Variants in GGNBP2 observed in about 807,000 individuals in gnomAD.
GGNBP2 encodes gametogenetin binding protein 2.
GGNBP2 carries 10 observed loss-of-function variants against 85.9 expected under a neutral mutation model. The observed-to-expected ratio is 0.12, with a 90% CI of 0.07 to 0.20. The LOEUF is 0.20. Among genes scored for constraint, GGNBP2 ranks in the 10% least tolerant of loss-of-function variants. GGNBP2 has a pLI of 1.00. For missense variants in GGNBP2, 595 were observed against 857.8 expected, an observed-to-expected ratio of 0.69 and a Z score of 3.83; for synonymous variants, 287 against 285.7, an observed-to-expected ratio of 1.00 and a Z score of -0.05.
intron 6 of GGNBP2, among the ~76,000 whole-genome samples, chr17:36,571,157 G>T (rs1455477605): frequency 6.6e-6 from 1 of 152,214 alleles, no homozygotes; most frequent in Admixed American, 6.5e-5. Flanking sequence ...TTAAGGCTGG[G>T]CATTGTGGCT....
At chr17:36,563,551 C>T (rs1329444017) in intron 5 of GGNBP2, among the ~76,000 whole-genome samples, 1 of 150,218 alleles carries the variant, frequency 6.7e-6, no homozygotes. Flanking sequence ...GTGTAACAAT[C>T]GAATACCCAG....
At chr17:36,575,072 T>G in intron 6 of GGNBP2, 1 of 993,414 alleles carries the variant, frequency 1.0e-6, no homozygotes, top group Non-Finnish European at 1.5e-6. Flanking sequence ...GATCTCAGAT[T>G]CCTTCATGGG....
intron 5 of GGNBP2, among the ~76,000 whole-genome samples, chr17:36,562,475 A>G (rs1405405737): frequency 6.6e-6 from 1 of 151,540 alleles, no homozygotes; most frequent in Non-Finnish European, 1.5e-5. Flanking sequence ...GGCCTCTGAA[A>G]AGTTAATTTT....
chr17:36,573,499 A>G (rs1235667427), intron 6 of GGNBP2, among the ~76,000 whole-genome samples: 2 of 152,208 alleles, frequency 1.3e-5, no homozygotes, highest in Non-Finnish European at 2.9e-5. Flanking sequence ...TGAGTGTGCA[A>G]ATATCTCTTC....
intron 4 of GGNBP2, among the ~76,000 whole-genome samples, chr17:36,557,685 G>A (rs139601658): frequency 3.7e-4 from 56 of 152,264 alleles, no homozygotes; most frequent in African/African-American, 1.1e-3. Flanking sequence ...AGAAAACTGG[G>A]GGGAAGGCAG....
In GGNBP2 at chr17:36,545,472, G is replaced by A. The variant is rs192015523; in HGVS notation, c.-106-147G>A. Reference sequence around the variant, plus strand: ...AGGGGGGCGGGTCCCGGCGGCGCTGGGCGCTGATTGGCTGAGCGTGTGTGG... The same window carrying A: ...AGGGGGGCGGGTCCCGGCGGCGCTGAGCGCTGATTGGCTGAGCGTGTGTGG... On this transcript the variant is annotated intron_variant, in intron 1 of 13. Transcript: ENST00000613102. 3.5e-3 allele frequency: 1,437 copies of A among 410,530 alleles called. 19 individuals are homozygous for A. The highest frequency in any genetic ancestry group is 0.021 in the East Asian group (569 of 27,642). The allele number at this position is 410,530 out of a possible 1,614,324, so 25.4% of individuals were successfully genotyped here.
intron 7 of GGNBP2, 99 bp from the exon 8 acceptor site, chr17:36,579,146 G>A: frequency 2.1e-6 from 2 of 936,398 alleles, no homozygotes; most frequent in Non-Finnish European, 3.4e-6. Flanking sequence ...CTTGTTACTA[G>A]GTAAGCACAT....
At chr17:36,589,013 G>A (rs1478015436) in intron 13 of GGNBP2, among the ~76,000 whole-genome samples, 195 bp from the exon 14 acceptor site, 1 of 152,128 alleles carries the variant, frequency 6.6e-6, no homozygotes, top group Non-Finnish European at 1.5e-5. Context: ...TTCAACTCAA[G>A]GAGTTGGATT....
intron 6 of GGNBP2, chr17:36,574,936 G>A: frequency 1.8e-6 from 2 of 1,105,154 alleles, no homozygotes; most frequent in Non-Finnish European, 1.3e-6. Context: ...GACCGATGTG[G>A]CCATTGTAGT....
intron 4 of GGNBP2, among the ~76,000 whole-genome samples, chr17:36,560,242 G>A (rs2074404121): frequency 6.6e-6 from 1 of 152,168 alleles, no homozygotes; most frequent in Non-Finnish European, 1.5e-5. Context: ...ATAGGCATGA[G>A]CTACTGCACC....
rs1272325489 is a variant in GGNBP2, at chr17:36,589,473, C to A, written c.*62C>A. Reference sequence around the variant, plus strand: ...ACGATGACTACTGCGCCTTCTCTTTCGAAAAACTCTTAATTTAGTGACTTA... The same window carrying A: ...ACGATGACTACTGCGCCTTCTCTTTAGAAAAACTCTTAATTTAGTGACTTA... On this transcript the variant is annotated 3_prime_UTR_variant, in exon 14 of 14. Coordinates refer to ENST00000613102, the MANE Select transcript of GGNBP2 (RefSeq NM_024835.5). 2 of 1,302,888 alleles carry A rather than the reference C, an allele frequency of 1.5e-6. No homozygotes were observed. The highest frequency in any genetic ancestry group is 2.3e-5 in the East Asian group (1 of 43,204). The allele number at this position is 1,302,888 out of a possible 1,614,324, so 80.7% of individuals were successfully genotyped here. A position where few individuals can be genotyped will look rare whatever the true frequency, so the allele number is the denominator to read the frequency against.
intron 6 of GGNBP2, among the ~76,000 whole-genome samples, chr17:36,571,378 C>T (rs1453567240): frequency 5.9e-5 from 9 of 152,068 alleles, no homozygotes; most frequent in Admixed American, 2.6e-4. Context: ...GGTGATACCC[C>T]GTCTCTACTA....
intron 5 of GGNBP2, among the ~76,000 whole-genome samples, chr17:36,562,650 T>C (rs1378499780): frequency 6.6e-6 from 1 of 151,484 alleles, no homozygotes; most frequent in Non-Finnish European, 1.5e-5. Context: ...TTTTCCCCTA[T>C]ACCGAGCAAC....
chr17:36,557,142 A>C lies in GGNBP2; in HGVS notation c.234A>C (p.Glu78Asp). 1 of 1,614,086 alleles carries C rather than the reference A, an allele frequency of 6.2e-7. No homozygotes were observed. The highest frequency in any genetic ancestry group is 8.5e-7 in the Non-Finnish European group (1 of 1,180,020). Residue 78 changes from glutamate to aspartate, a missense_variant, in exon 4 of 14, where the codon GAA (glutamate) becomes GAC (aspartate). Physicochemically the swap from Glu to Asp is conservative, Grantham distance 45. Around this residue, in one of 9 missense-constraint regions of GGNBP2, gnomAD observed 216 missense variants for 293.4 expected, o/e 0.74. Transcript: ENST00000613102. ...TTGCCATGGTGGTGACATCACGCGAAGTCCTGAGTGCACTTTCTCAGCTTG... is the reference window on the plus strand; with the variant it reads ...TTGCCATGGTGGTGACATCACGCGACGTCCTGAGTGCACTTTCTCAGCTTG... ...LSIAMVVTSR[E>D]VLSALSQLVP...
At chr17:36,549,797 T>C (rs1567816186) in intron 2 of GGNBP2, among the ~76,000 whole-genome samples, 1 of 152,222 alleles carries the variant, frequency 6.6e-6, no homozygotes, top group Admixed American at 6.5e-5. Context: ...TTGCTATGAA[T>C]AAACTGTAAG....
At chr17:36,556,958 C>A in intron 3 of GGNBP2, 125 bp from the exon 4 acceptor site, 1 of 1,063,500 alleles carries the variant, frequency 9.4e-7, no homozygotes, top group East Asian at 2.4e-5. Flanking sequence ...GACTCAGTTG[C>A]AGGTAGAGCT....
chr17:36,559,752 G>T (rs1362850069), intron 4 of GGNBP2, among the ~76,000 whole-genome samples: 3 of 152,146 alleles, frequency 2.0e-5, no homozygotes, highest in Non-Finnish European at 4.4e-5. Context: ...GAGATTGGTG[G>T]GTTGGACAGG....
At chr17:36,589,071 A>C in intron 13 of GGNBP2, 137 bp from the exon 14 acceptor site, 1 of 652,008 alleles carries the variant, frequency 1.5e-6, no homozygotes, top group Non-Finnish European at 2.7e-6. Context: ...CTTATTCTGC[A>C]AACACTCCAA....
rs2074244730 is a variant in GGNBP2, at chr17:36,545,644, G to GGCGGCGGCAGAAACAGCA, written c.-72_-55dup. 9.1e-7 allele frequency: 1 copy of GGCGGCGGCAGAAACAGCA among 1,096,266 alleles called. No individual in the cohort carries two copies. Among genetic ancestry groups the GGCGGCGGCAGAAACAGCA allele is most frequent in the Non-Finnish European group, 1.4e-6 (1 of 738,124 alleles). 67.9% of individuals were successfully genotyped at this position (1,096,266 alleles called of 1,614,324 possible). On this transcript the variant is annotated 5_prime_UTR_variant, in exon 2 of 14. Coordinates refer to ENST00000613102, the MANE Select transcript of GGNBP2 (RefSeq NM_024835.5). Reference sequence around the variant, plus strand: ...GCAGGAGCTGGGAGGAGGCGGCAGCGGCGGCGGCAGAAACAGCAGCGGCGG... The same window carrying GGCGGCGGCAGAAACAGCA: ...GCAGGAGCTGGGAGGAGGCGGCAGCGGCGGCGGCAGAAACAGCAGCGGCGGCAGAAACAGCAGCGGCGG...
Sources: gnomAD v4.1 joint callset for allele counts (sites outside exome capture counted in the v4.1 genomes callset) on GRCh38, gnomAD v4.1.1 for gene constraint, gnomAD v4.1.1 regional missense constraint, MANE v1.5 for transcripts, NCBI Gene and HGNC (gene_info 2026-07-23, HGNC 2026-07-21) for gene names.